Variants in CAMSAP3 observed in about 807,000 individuals in gnomAD.
The protein encoded by CAMSAP3 is calmodulin regulated spectrin associated protein family member 3, also known as calmodulin-regulated spectrin-associated protein 3.
In CAMSAP3, 34 loss-of-function variants were observed where a neutral mutation model predicts 112.5. That is an observed-to-expected ratio of 0.30 (90% CI 0.23 to 0.40). The LOEUF (loss-of-function observed/expected upper bound fraction) is 0.40. Ranked by LOEUF, CAMSAP3 falls within the 10% of genes least tolerant of loss-of-function variation. The pLI, the probability that CAMSAP3 is intolerant of heterozygous loss-of-function variation, is 1.00. For missense variants in CAMSAP3, 1,602 were observed against 1,770.3 expected (o/e 0.90, Z 1.71); for synonymous variants, 868 against 799.8 (o/e 1.09, Z -1.44).
chr19:7,601,695 T>C (rs1398022900), intron 1 of CAMSAP3, among the ~76,000 whole-genome samples: 8 of 144,380 alleles, frequency 5.5e-5, no homozygotes, highest in South Asian at 4.3e-4. Context: ...CTGAGCAACA[T>C]AGTGAGACCC....
chr19:7,610,887 C>A lies in CAMSAP3; in HGVS notation c.1005C>A (p.Pro335=). The change falls in exon 8 of 17, where the codon CCC becomes CCA. Residue 335 remains proline, a synonymous_variant. Coordinates refer to ENST00000160298, the MANE Select transcript of CAMSAP3 (RefSeq NM_020902.2). This position sits in a 1 kb window ranked among gnomAD's most constrained non-coding sequence, Gnocchi z 4.9. ...TTCTCTGTACTGCAGCTGCCTCCCC[C>A]CGGGGCACTGAGGCCTCCCCACCTC... is the stretch of plus-strand genomic sequence containing the variant. ...KDLPDGHAAS[P]RGTEASPPQN... The A allele has an allele frequency of 6.3e-7, 1 of 1,596,440 alleles. No homozygotes were observed. Among genetic ancestry groups the A allele is most frequent in the Non-Finnish European group, 8.5e-7 (1 of 1,171,612 alleles).
At chr19:7,616,276 A>G (rs967689259) in intron 13 of CAMSAP3, 2 of 443,226 alleles carry the variant, frequency 4.5e-6, no homozygotes, top group African/African-American at 4.0e-5. Flanking sequence ...CTTCATGGAT[A>G]GGAACCTTTG....
chr19:7,605,495 GC>G lies in CAMSAP3; in HGVS notation c.402+18del. 6.9e-7 allele frequency: 1 copy of G among 1,451,666 alleles called. No individual in the cohort carries two copies. The highest frequency in any genetic ancestry group is 1.9e-4 in the Middle Eastern group (1 of 5,398). The allele number at this position is 1,451,666 out of a possible 1,614,324, so 89.9% of individuals were successfully genotyped here. A position where few individuals can be genotyped will look rare whatever the true frequency, so the allele number is the denominator to read the frequency against. On this transcript the variant is annotated intron_variant, in intron 2 of 16. Coordinates refer to ENST00000160298, the MANE Select transcript of CAMSAP3 (RefSeq NM_020902.2). ...CATTCTCATGGTAGGCCCCGCCACTGCCTGTTAGACCACGCCTACCATGCTC... is the reference window on the plus strand; with the variant it reads ...CATTCTCATGGTAGGCCCCGCCACTGCTGTTAGACCACGCCTACCATGCTC...
rs1483419070 is a variant in CAMSAP3 at position 7,607,813 on chromosome 19, C to T, written c.622-313C>T. Reference sequence around the variant, plus strand: ...CCCCCTTGCTGATGGCTGCTCCTCTCCCCCCAGCACGCAATTGCCTTCTGT... The same window carrying T: ...CCCCCTTGCTGATGGCTGCTCCTCTTCCCCCAGCACGCAATTGCCTTCTGT... On this transcript the variant is annotated intron_variant, in intron 4 of 16. Transcript: ENST00000160298. This position sits in a 1 kb window ranked among gnomAD's most constrained non-coding sequence, Gnocchi z 4.9. 14 of 1,300,916 alleles carry T rather than the reference C, an allele frequency of 1.1e-5. No homozygotes were observed. Among genetic ancestry groups the T allele is most frequent in the Non-Finnish European group, 1.4e-5 (13 of 954,944 alleles). The allele number at this position is 1,300,916 out of a possible 1,614,324, so 80.6% of individuals were successfully genotyped here. A position where few individuals can be genotyped will look rare whatever the true frequency, so the allele number is the denominator to read the frequency against.
rs538350748 is a variant in CAMSAP3, at chr19:7,595,895, G to A, written c.-108G>A. On this transcript the variant is annotated 5_prime_UTR_variant, in exon 1 of 17. Coordinates refer to ENST00000160298, the MANE Select transcript of CAMSAP3 (RefSeq NM_020902.2). The stretch of plus-strand genomic sequence containing the variant: ...GCTCAGCAGCGGCGGCGGCGGCGGC[G>A]GCGGCAGCGGCGGTAGCAGCAGCGG... The A allele has an allele frequency of 8.7e-3, 4,004 of 460,776 alleles. 173 individuals carry two copies. The highest frequency in any genetic ancestry group is 0.082 in the African/African-American group (3,819 of 46,684). The allele number at this position is 460,776 out of a possible 1,614,324, so 28.5% of individuals were successfully genotyped here. A position where few individuals can be genotyped will look rare whatever the true frequency, so the allele number is the denominator to read the frequency against.
At position 7,610,424 on chromosome 19, in the gene CAMSAP3, G is replaced by T; in HGVS notation, c.761-52G>T. 1.9e-6 allele frequency: 3 copies of T among 1,554,344 alleles called. No individual in the cohort carries two copies. The highest frequency in any genetic ancestry group is 2.4e-5 in the South Asian group (2 of 82,182). On this transcript the variant is annotated intron_variant, in intron 5 of 16. Coordinates refer to ENST00000160298, the MANE Select transcript of CAMSAP3 (RefSeq NM_020902.2). This position sits in a 1 kb window ranked among gnomAD's most constrained non-coding sequence, Gnocchi z 4.9. Reference sequence around the variant, plus strand: ...ACTGCTGGTCCCTGGCTTCCCTGGGGCCCCATCCTCCTCCTCATAGAGTTG... The same window carrying T: ...ACTGCTGGTCCCTGGCTTCCCTGGGTCCCCATCCTCCTCCTCATAGAGTTG...
rs2030885939 is a variant in CAMSAP3, at chr19:7,617,725, C to T, written c.3445-27C>T. 6.2e-7 allele frequency: 1 copy of T among 1,612,096 alleles called. No homozygotes were observed. The highest frequency in any genetic ancestry group is 8.5e-7 in the Non-Finnish European group (1 of 1,178,696). On this transcript the variant is annotated intron_variant, in intron 16 of 16. Coordinates refer to ENST00000160298, the MANE Select transcript of CAMSAP3 (RefSeq NM_020902.2). The surrounding 1 kb of genome is among the most constrained non-coding windows in gnomAD (Gnocchi z 7.5). ...TGGGTGGGTGGCCTGACTTGGCCAG[C>T]TGACCATTTCCAGCACTCCTGCCCA... is the stretch of plus-strand genomic sequence containing the variant.
Position 7,610,320 on chromosome 19 carries a change from A to C in CAMSAP3, c.761-156A>C, listed in dbSNP as rs28398852. On this transcript the variant is annotated intron_variant, in intron 5 of 16. Transcript: ENST00000160298. The surrounding 1 kb of genome is among the most constrained non-coding windows in gnomAD (Gnocchi z 4.9). Reference sequence around the variant, plus strand: ...GTGACAGAGCGAGACTCCATCTCAAAAAAAAAAAAAAAAGAATTCACCTCT... The same window carrying C: ...GTGACAGAGCGAGACTCCATCTCAACAAAAAAAAAAAAAGAATTCACCTCT... Among the ~76,000 whole-genome samples, 5,866 of 146,526 alleles carry C rather than the reference A, an allele frequency of 0.04. 146 individuals are homozygous for C. The highest frequency in any genetic ancestry group is 0.06 in the Non-Finnish European group (4,077 of 67,436).
intron 1 of CAMSAP3, among the ~76,000 whole-genome samples, chr19:7,601,435 C>G (rs1599344581): frequency 6.6e-6 from 1 of 152,162 alleles, no homozygotes; most frequent in African/African-American, 2.4e-5. Flanking sequence ...TCTCGTGCCT[C>G]AGCCTCCTGA....
Position 7,612,013 on chromosome 19 carries a change from A to C in CAMSAP3, c.1520A>C (p.Lys507Thr), listed in dbSNP as rs2030518766. ...CCCTACCTGCCCGAGGGGACCTCCA[A>C]ACCACTGTCCGACAGGCCCACCAAA... The part of the protein sequence containing the change: ...ASPYLPEGTS[K>T]PLSDRPTKAP... Residue 507 changes from lysine to threonine, a missense_variant, in exon 11 of 17, where the codon AAA becomes ACA. Coordinates refer to ENST00000160298, the MANE Select transcript of CAMSAP3 (RefSeq NM_020902.2). The C allele has an allele frequency of 6.2e-7, 1 of 1,612,794 alleles. No homozygotes were observed.
rs2030915171 is a variant in CAMSAP3 at position 7,618,133 on chromosome 19, C to T, written c.*76C>T. The T allele has an allele frequency of 5.4e-6, 8 of 1,494,494 alleles. No individual in the cohort carries two copies. The South Asian group carries it at 8.7e-5, about 16-fold the overall frequency. The allele number at this position is 1,494,494 out of a possible 1,614,324, so 92.6% of individuals were successfully genotyped here. On this transcript the variant is annotated 3_prime_UTR_variant, in exon 17 of 17. Transcript: ENST00000160298. ...CCCTGGAGGACAGTCAGTCGGTATT[C>T]CTGGGTCCTGTCTGTCCCCAACCGT...
At chr19:7,604,143 G>A (rs559867082) in intron 1 of CAMSAP3, among the ~76,000 whole-genome samples, 1 of 151,990 alleles carries the variant, frequency 6.6e-6, no homozygotes, top group African/African-American at 2.4e-5. Context: ...CCAAAAAACC[G>A]CAAAAGCTGT....
Position 7,617,294 on chromosome 19 carries a change from C to A in CAMSAP3, c.3213-32C>A. 6.6e-7 allele frequency: 1 copy of A among 1,510,644 alleles called. No individual in the cohort carries two copies. Among genetic ancestry groups the A allele is most frequent in the Non-Finnish European group, 9.2e-7 (1 of 1,085,856 alleles). The allele number at this position is 1,510,644 out of a possible 1,614,324, so 93.6% of individuals were successfully genotyped here. On this transcript the variant is annotated intron_variant, in intron 14 of 16. Transcript: ENST00000160298. The surrounding 1 kb of genome is among the most constrained non-coding windows in gnomAD (Gnocchi z 7.5). ...GACCCCACCTCCATCCCATCCTGAC[C>A]CCACCTCCATCCCATCCTTCTCCCA...
chr19:7,615,541 G>A lies in CAMSAP3; in HGVS notation c.2934G>A (p.Thr978=), dbSNP rs187857282. 3.3e-6 allele frequency: 5 copies of A among 1,531,946 alleles called. No homozygotes were observed. Among genetic ancestry groups the A allele is most frequent in the East Asian group, 4.9e-5 (2 of 40,480 alleles). The allele number at this position is 1,531,946 out of a possible 1,614,324, so 94.9% of individuals were successfully genotyped here. A position where few individuals can be genotyped will look rare whatever the true frequency, so the allele number is the denominator to read the frequency against. The change falls in exon 13 of 17, where the codon ACG becomes ACA. Residue 978 remains threonine (T), a synonymous_variant. Coordinates refer to ENST00000160298, the MANE Select transcript of CAMSAP3 (RefSeq NM_020902.2). The surrounding 1 kb of genome is among the most constrained non-coding windows in gnomAD (Gnocchi z 6.5). ...TGGGCCCCCGGAAGGGGGACTTCACGCGGCAGGAGTACGAGCGCCGGGCCC... is the reference window on the plus strand; with the variant it reads ...TGGGCCCCCGGAAGGGGGACTTCACACGGCAGGAGTACGAGCGCCGGGCCC... The part of the protein sequence containing the change: ...EEVGPRKGDF[T]RQEYERRAQL...
rs775702003 is a variant in CAMSAP3, at chr19:7,611,786, C to T, written c.1293C>T (p.Ser431=). 5.0e-6 allele frequency: 8 copies of T among 1,597,198 alleles called. No homozygotes were observed. In the African/African-American group the frequency reaches 6.7e-5, roughly 13 times the overall value. ...ACCCTGTGCTCCTCCGCTCTGTGAG[C>T]TCGGACAGCCTGGGCCCCCCGCGTC... ...MGDPVLLRSV[S]SDSLGPPRPA... Residue 431 remains serine, a synonymous_variant, in exon 11 of 17, where the codon AGC becomes AGT. Transcript: ENST00000160298. The surrounding 1 kb of genome is among the most constrained non-coding windows in gnomAD (Gnocchi z 6.9).
At position 7,605,207 on chromosome 19, in the gene CAMSAP3, C is replaced by T. The variant is rs1244492371; in HGVS notation, c.149-19C>T. ...TCTGGTGACCCTGACCCCCGTGTTT[C>T]CCCTCTATGCCCCCACAGAGCACGT... On this transcript the variant is annotated intron_variant, in intron 1 of 16. Transcript: ENST00000160298. 1.0e-5 allele frequency: 15 copies of T among 1,454,836 alleles called. No individual in the cohort carries two copies. Among genetic ancestry groups the T allele is most frequent in the Non-Finnish European group, 1.4e-5 (15 of 1,091,834 alleles). The allele number at this position is 1,454,836 out of a possible 1,614,324, so 90.1% of individuals were successfully genotyped here. A position where few individuals can be genotyped will look rare whatever the true frequency, so the allele number is the denominator to read the frequency against.
chr19:7,617,640 G>T lies in CAMSAP3; in HGVS notation c.3423G>T (p.Pro1141=), dbSNP rs756001904. 6.2e-7 allele frequency: 1 copy of T among 1,614,004 alleles called. No individual in the cohort carries two copies. The highest frequency in any genetic ancestry group is 1.3e-5 in the African/African-American group (1 of 74,922). The part of the protein sequence containing the change: ...HCCLAGKVNE[P]QKNRILEEIE... Reference sequence around the variant, plus strand: ...GCCTGGCGGGCAAGGTGAACGAACCGCAGAAGAATCGCATTCTGGAGGTGA... The same window carrying T: ...GCCTGGCGGGCAAGGTGAACGAACCTCAGAAGAATCGCATTCTGGAGGTGA... The change falls in exon 16 of 17, where the codon CCG becomes CCT. Residue 1141 remains proline (P), a synonymous_variant. Coordinates refer to ENST00000160298, the MANE Select transcript of CAMSAP3 (RefSeq NM_020902.2). The surrounding 1 kb of genome is among the most constrained non-coding windows in gnomAD (Gnocchi z 7.5).
At position 7,596,050 on chromosome 19, in the gene CAMSAP3, T is replaced by C. The variant is rs777602245; in HGVS notation, c.48T>C (p.Phe16=). ...PPGPGPLRRT[F]LVPEIKSLDQ... ...GGCCCGGGCCGCTGCGGAGGACCTT[T>C]CTAGTGCCCGAGATCAAGTCGCTGG... Residue 16 remains phenylalanine (F), a synonymous_variant, in exon 1 of 17, where the codon TTT becomes TTC. Transcript: ENST00000160298. The C allele has an allele frequency of 5.5e-6, 7 of 1,267,636 alleles. No individual in the cohort carries two copies. The South Asian group carries it at 8.9e-5, about 16-fold the overall frequency. The allele number at this position is 1,267,636 out of a possible 1,614,324, so 78.5% of individuals were successfully genotyped here.
At chr19:7,614,313 C>T (rs2030664645) in intron 11 of CAMSAP3, among the ~76,000 whole-genome samples, 1 of 124,148 alleles carries the variant, frequency 8.1e-6, no homozygotes, top group Admixed American at 8.4e-5. Context: ...CTGGGGAGGA[C>T]TTCCTTTTCA....
Sources: allele counts gnomAD v4.1 joint callset (sites outside exome capture counted in the v4.1 genomes callset), GRCh38; gene constraint gnomAD v4.1.1; non-coding constraint Gnocchi (gnomAD v3.1); transcripts MANE v1.5; gene names NCBI Gene and HGNC (gene_info 2026-07-23, HGNC 2026-07-21).